The following CFAP221 variants were observed in gnomAD, a reference collection of about 807,000 sequenced individuals.
The protein encoded by CFAP221 is cilia- and flagella-associated protein 221.
In CFAP221, 97 loss-of-function variants were observed where a neutral mutation model predicts 113.1. The observed-to-expected ratio is 0.86, with a 90% CI of 0.73 to 1.02. The LOEUF is 1.02. CFAP221 is among the 50% of genes least tolerant of loss of function. The probability of loss-of-function intolerance (pLI) is 0.00; values close to 1 mark genes in which losing one functional copy is unlikely to be tolerated. For synonymous variants in CFAP221, 331 were observed against 354.4 expected, an observed-to-expected ratio of 0.93 and a Z score of 0.74; for missense variants, 1,025 against 1,013.4, an observed-to-expected ratio of 1.01 and a Z score of -0.16.
At chr2:119,620,044 A>C (rs997439635) in intron 14 of CFAP221, among the ~76,000 whole-genome samples, 2 of 152,198 alleles carry the variant, frequency 1.3e-5, no homozygotes, top group African/African-American at 4.8e-5. Context: ...TTAGAGAAAA[A>C]AGAATGAAAA....
At chr2:119,641,626 G>T (rs1687495495) in intron 21 of CFAP221, among the ~76,000 whole-genome samples, 1 of 152,180 alleles carries the variant, frequency 6.6e-6, no homozygotes, top group African/African-American at 2.4e-5. Flanking sequence ...TTGTGTGTGT[G>T]TGAGGATAAA....
At chr2:119,613,970 C>G (rs1194853225) in intron 13 of CFAP221, among the ~76,000 whole-genome samples, 2 of 152,238 alleles carry the variant, frequency 1.3e-5, no homozygotes, top group East Asian at 1.9e-4. Flanking sequence ...TGACAGCACC[C>G]AAGTCACCTC....
intron 6 of CFAP221, 83 bp from the exon 7 acceptor site, chr2:119,587,036 C>T: frequency 2.0e-6 from 2 of 1,012,630 alleles, no homozygotes; most frequent in South Asian, 3.8e-5. Flanking sequence ...TATTACGTAA[C>T]TTGAGTCTCC....
intron 8 of CFAP221, among the ~76,000 whole-genome samples, chr2:119,602,085 A>G (rs559642235): frequency 1.3e-4 from 20 of 152,246 alleles, no homozygotes; most frequent in Non-Finnish European, 2.1e-4. Flanking sequence ...ATTTTTATAT[A>G]AACGTTAAAA....
At position 119,553,772 on chromosome 2, in the gene CFAP221, C is replaced by T. The variant is rs372298455; in HGVS notation, c.240+4587C>T. 7.9e-4 allele frequency among the ~76,000 whole-genome samples: 120 copies of T among 152,290 alleles called. 1 individual carries two copies. The South Asian group carries it at 9.1e-3, about 12-fold the overall frequency. ...AAAAAGATATGAAGCCTCAGCTCGG[C>T]GTCATTCTGCTGCAGAATGGAGACC... On this transcript the variant is annotated intron_variant, in intron 3 of 23. Coordinates refer to ENST00000413369, the MANE Select transcript of CFAP221 (RefSeq NM_001271049.2).
At chr2:119,648,940 C>CCCTGT (rs1398003676) in intron 22 of CFAP221, among the ~76,000 whole-genome samples, 2 of 152,224 alleles carry the variant, frequency 1.3e-5, no homozygotes, top group African/African-American at 2.4e-5. Flanking sequence ...AAGCGCCCAG[C>CCCTGT]CCTGTGCCTG....
chr2:119,626,491 T>C (rs1686314546), intron 15 of CFAP221, among the ~76,000 whole-genome samples: 2 of 152,132 alleles, frequency 1.3e-5, no homozygotes, highest in African/African-American at 2.4e-5. Flanking sequence ...TCCTGTTTTG[T>C]GCCCTCTGCT....
At chr2:119,572,671 C>A in intron 6 of CFAP221, 1 of 654,988 alleles carries the variant, frequency 1.5e-6, no homozygotes, top group South Asian at 1.7e-5. Context: ...GGTTAGCGTG[C>A]TCTAGACAAA....
intron 7 of CFAP221, among the ~76,000 whole-genome samples, chr2:119,591,195 G>A (rs1335892638): frequency 2.0e-5 from 3 of 152,146 alleles, no homozygotes; most frequent in Non-Finnish European, 4.4e-5. Context: ...CTTACCAGAG[G>A]TAAAATAGAG....
chr2:119,545,023 AT>A (rs1362619181), intron 1 of CFAP221: 1 of 145,308 alleles, frequency 6.9e-6, no homozygotes, highest in Admixed American at 6.8e-5. Context: ...CAGCGATGCT[AT>A]GAGAGGTGGT....
At chr2:119,579,061 C>T (rs564859026) in intron 6 of CFAP221, among the ~76,000 whole-genome samples, 3 of 152,148 alleles carry the variant, frequency 2.0e-5, no homozygotes, top group South Asian at 2.1e-4. Flanking sequence ...GGTTTGAGTT[C>T]AATTTTATTC....
In CFAP221 at chr2:119,630,553, T is replaced by A; in HGVS notation, c.1732-17T>A. ...GTAACAGGTTTTTAAGGATTTTCAATCTTCTTTCACCTTCAGGTTCCTCAA... is the reference window on the plus strand; with the variant it reads ...GTAACAGGTTTTTAAGGATTTTCAAACTTCTTTCACCTTCAGGTTCCTCAA... On this transcript the variant is annotated splice_polypyrimidine_tract_variant and intron_variant, in intron 17 of 23. Transcript: ENST00000413369. 1 of 1,567,364 alleles carries A rather than the reference T, an allele frequency of 6.4e-7. No individual in the cohort carries two copies. Among genetic ancestry groups the A allele is most frequent in the South Asian group, 1.1e-5 (1 of 89,140 alleles).
chr2:119,641,011 C>T (rs950944654), intron 21 of CFAP221, among the ~76,000 whole-genome samples: 3 of 152,000 alleles, frequency 2.0e-5, no homozygotes, highest in African/African-American at 4.8e-5. Context: ...CAAGTGCAGC[C>T]GTCCCATCCA....
intron 6 of CFAP221, among the ~76,000 whole-genome samples, chr2:119,577,011 T>G (rs943671930): frequency 1.3e-5 from 2 of 152,246 alleles, no homozygotes; most frequent in Non-Finnish European, 2.9e-5. Context: ...TTGGTAACAT[T>G]TTATAAAAGG....
chr2:119,546,361 TTTA>T, intron 2 of CFAP221, 91 bp downstream of exon 2: 1 of 1,340,820 alleles, frequency 7.5e-7, no homozygotes, highest in South Asian at 1.5e-5. Context: ...TTAGTGCTGA[TTTA>T]TCTATATCAT....
At chr2:119,572,856 A>G (rs1286617709) in intron 6 of CFAP221, 4 of 370,074 alleles carry the variant, frequency 1.1e-5, no homozygotes, top group Non-Finnish European at 1.4e-5. Flanking sequence ...CTGCAGGGCC[A>G]CATTAACAAC....
chr2:119,616,383 G>T (rs2104716170), intron 14 of CFAP221, among the ~76,000 whole-genome samples: 1 of 152,168 alleles, frequency 6.6e-6, no homozygotes, highest in South Asian at 2.1e-4. Flanking sequence ...TCACCTTTTG[G>T]CTATTATGAG....
rs1359059483 is a variant in CFAP221, at chr2:119,547,346, G to A, written c.139+1076G>A. 2.0e-5 allele frequency among the ~76,000 whole-genome samples: 3 copies of A among 152,106 alleles called. No homozygotes were observed. The South Asian group carries it at 6.2e-4, about 32-fold the overall frequency. On this transcript the variant is annotated intron_variant, in intron 2 of 23. Coordinates refer to ENST00000413369, the MANE Select transcript of CFAP221 (RefSeq NM_001271049.2). ...AGGCCAAGGCGGTTGGATCATTTGA[G>A]GTCAGGAGTTTGAGACCAGCCTGAA...
intron 15 of CFAP221, 85 bp downstream of exon 15, chr2:119,625,773 T>C: frequency 8.6e-7 from 1 of 1,161,540 alleles, no homozygotes. Context: ...GTTAGCTCTA[T>C]GCAAATAAAA....
Sources: allele counts gnomAD v4.1 joint callset (sites outside exome capture counted in the v4.1 genomes callset), GRCh38; gene constraint gnomAD v4.1.1; transcripts MANE v1.5; gene names NCBI Gene and HGNC (gene_info 2026-07-23, HGNC 2026-07-21).